MYH10: variants seen among roughly 807,000 people sequenced by gnomAD.
MYH10 encodes myosin heavy chain 10, also known as myosin-10.
MYH10 carries 55 observed loss-of-function variants against 257.8 expected under a neutral mutation model. The observed-to-expected ratio is 0.21, with a 90% confidence interval of 0.17 to 0.27. The LOEUF (loss-of-function observed/expected upper bound fraction) is 0.27, where lower values mean the gene tolerates loss of function less well. Ranked by LOEUF, MYH10 falls within the 10% of genes least tolerant of loss-of-function variation. The pLI, the probability that MYH10 is intolerant of heterozygous loss-of-function variation, is 1.00. For missense variants in MYH10, 1,631 were observed against 2,500.6 expected (o/e 0.65, Z 7.42); for synonymous variants, 854 against 921.7 (o/e 0.93, Z 1.33).
intron 1 of MYH10, among the ~76,000 whole-genome samples, chr17:8,624,288 T>C (rs934792869): frequency 6.6e-6 from 1 of 152,236 alleles, no homozygotes; most frequent in African/African-American, 2.4e-5. Context: ...ACTGGCTTTC[T>C]GGACCAAATG....
intron 6 of MYH10, among the ~76,000 whole-genome samples, chr17:8,576,290 ATGTAG>A (rs951242519): frequency 2.5e-4 from 38 of 152,338 alleles, no homozygotes; most frequent in Admixed American, 1.9e-3. Flanking sequence ...CAAATTCAAA[ATGTAG>A]TGTAGGGCAC....
intron 3 of MYH10, among the ~76,000 whole-genome samples, chr17:8,597,837 C>T (rs1182946409): frequency 6.6e-6 from 1 of 151,526 alleles, no homozygotes; most frequent in East Asian, 1.9e-4. Flanking sequence ...CCAGGCTGGT[C>T]TCGAACTCCT....
At chr17:8,496,746 G>A (rs1019501208) in intron 30 of MYH10, among the ~76,000 whole-genome samples, 6 of 152,192 alleles carry the variant, frequency 3.9e-5, no homozygotes, top group African/African-American at 9.7e-5. Context: ...ACCCTCCTTC[G>A]AAAGGCCTGC....
chr17:8,515,533 C>CTTTTTT (rs562174128), intron 21 of MYH10, among the ~76,000 whole-genome samples: 9 of 86,896 alleles, frequency 1.0e-4, no homozygotes, highest in Non-Finnish European at 1.0e-4. Context: ...TTAGCCAAGT[C>CTTTTTT]TTTTTTTTTT....
At position 8,521,047 on chromosome 17, in the gene MYH10, C is replaced by T. The variant is rs754626338; in HGVS notation, c.2151+45G>A. Reference sequence around the variant, plus strand: ...CATGGTTTAATCTTTAGCATCTGACCTAGATCAGTTTTAAATACTAGCATA... The same window carrying T: ...CATGGTTTAATCTTTAGCATCTGACTTAGATCAGTTTTAAATACTAGCATA... On this transcript the variant is annotated intron_variant, in intron 18 of 42. Transcript: ENST00000360416. 8 of 1,612,318 alleles carry T rather than the reference C, an allele frequency of 5.0e-6. No homozygotes were observed. The African/African-American group carries it at 1.1e-4, about 22-fold the overall frequency.
chr17:8,562,374 A>G (rs111987986), intron 7 of MYH10, among the ~76,000 whole-genome samples: 2 of 152,368 alleles, frequency 1.3e-5, no homozygotes, highest in African/African-American at 4.8e-5. Context: ...AGGGGAGAGA[A>G]TATCTGTTAA....
Position 8,553,963 on chromosome 17 carries a change from A to G in MYH10, c.812T>C (p.Ile271Thr), listed in dbSNP as rs371439781. The G allele has an allele frequency of 1.2e-6, 2 of 1,612,768 alleles. No homozygotes were observed. Among genetic ancestry groups the G allele is most frequent in the Non-Finnish European group, 1.7e-6 (2 of 1,178,984 alleles). Residue 271 changes from isoleucine (I) to threonine (T), a missense_variant, in exon 8 of 43, where the codon ATT (isoleucine) becomes ACT (threonine). Physicochemically the swap from Ile to Thr is moderately conservative, Grantham distance 89. Around this residue, in one of 11 missense-constraint regions of MYH10, gnomAD observed 360 missense variants for 581.9 expected, o/e 0.62. Transcript: ENST00000360416. ...DVTGYIVGAN[I>T]ETYLLEKSRA... Reference sequence around the variant, plus strand: ...TTTATGAAAAAGGATACATGTTTCAATGTTGGCCCCAACGATATAGCCAGT... The same window carrying G: ...TTTATGAAAAAGGATACATGTTTCAGTGTTGGCCCCAACGATATAGCCAGT...
At position 8,477,235 on chromosome 17, in the gene MYH10, T is replaced by C. The variant is rs2151761199; in HGVS notation, c.5707-187A>G. 6.6e-6 allele frequency among the ~76,000 whole-genome samples: 1 copy of C among 152,208 alleles called. No individual in the cohort carries two copies. On this transcript the variant is annotated intron_variant, in intron 41 of 42. Transcript: ENST00000360416. This position sits in a 1 kb window ranked among gnomAD's most constrained non-coding sequence, Gnocchi z 4.2. The stretch of plus-strand genomic sequence containing the variant: ...ACCGGCCTGCCGCTCTCAGCAAAGC[T>C]AGCATCTACAAAGCACACTAGGCCA...
At chr17:8,489,324 T>C (rs1915371848) in intron 35 of MYH10, among the ~76,000 whole-genome samples, 1 of 152,196 alleles carries the variant, frequency 6.6e-6, no homozygotes, top group Non-Finnish European at 1.5e-5. Context: ...TTGCAATAAT[T>C]TGTTAAGTTT....
intron 4 of MYH10, among the ~76,000 whole-genome samples, chr17:8,584,216 A>G (rs2083813614): frequency 6.6e-6 from 1 of 152,220 alleles, no homozygotes; most frequent in Admixed American, 6.5e-5. Context: ...GAGTTTGCAG[A>G]AACAAAAGGT....
intron 2 of MYH10, among the ~76,000 whole-genome samples, chr17:8,610,949 G>A (rs2085015540): frequency 6.6e-6 from 1 of 152,218 alleles, no homozygotes; most frequent in Non-Finnish European, 1.5e-5. Context: ...GAGACAAAAG[G>A]AAAATAAGAA....
intron 12 of MYH10, among the ~76,000 whole-genome samples, chr17:8,546,064 T>A (rs577534578): frequency 5.4e-4 from 81 of 149,000 alleles, no homozygotes; most frequent in African/African-American, 1.5e-3. Context: ...TTAAAAAAAT[T>A]TTTTTTTTTT....
At chr17:8,582,015 T>G (rs1468512417) in intron 4 of MYH10, among the ~76,000 whole-genome samples, 1 of 152,222 alleles carries the variant, frequency 6.6e-6, no homozygotes, top group Non-Finnish European at 1.5e-5. Context: ...GGCCTAGCAC[T>G]GTCCTCGCCA....
rs1364988748 is a variant in MYH10 at position 8,477,127 on chromosome 17, T to C, written c.5707-79A>G. ...CCTCTCTGTACCCCGAGCGTGGCAG[T>C]GTGGGGCTCTGCCTGTTACCCTTGT... On this transcript the variant is annotated intron_variant, in intron 41 of 42. Coordinates refer to ENST00000360416, the MANE Select transcript of MYH10 (RefSeq NM_001256012.3). The surrounding 1 kb of genome is among the most constrained non-coding windows in gnomAD (Gnocchi z 4.2). 1 of 1,508,554 alleles carries C rather than the reference T, an allele frequency of 6.6e-7. No homozygotes were observed. Among genetic ancestry groups the C allele is most frequent in the Admixed American group, 1.7e-5 (1 of 58,344 alleles). The allele number at this position is 1,508,554 out of a possible 1,614,324, so 93.4% of individuals were successfully genotyped here. A position where few individuals can be genotyped will look rare whatever the true frequency, so the allele number is the denominator to read the frequency against.
chr17:8,496,768 A>G (rs1916703365), intron 30 of MYH10, among the ~76,000 whole-genome samples: 1 of 152,166 alleles, frequency 6.6e-6, no homozygotes, highest in Non-Finnish European at 1.5e-5. Context: ...TGCGATGTTG[A>G]CCTTTGGCTG....
intron 3 of MYH10, among the ~76,000 whole-genome samples, chr17:8,597,864 C>T (rs545001214): frequency 5.9e-5 from 9 of 152,144 alleles, no homozygotes; most frequent in South Asian, 2.1e-4. Context: ...ATGATCCACC[C>T]GCCCCAGCCT....
intron 2 of MYH10, among the ~76,000 whole-genome samples, chr17:8,609,266 T>C (rs1185719980): frequency 6.6e-6 from 1 of 152,180 alleles, no homozygotes; most frequent in African/African-American, 2.4e-5. Flanking sequence ...AATAGTCTCC[T>C]ACTACGAACA....
chr17:8,487,323 G>A (rs980582166), intron 36 of MYH10, 110 bp downstream of exon 36: 10 of 1,334,648 alleles, frequency 7.5e-6, no homozygotes, highest in African/African-American at 4.3e-5. Context: ...CCCCACCCCC[G>A]GCCACGCTGA....
At chr17:8,500,355 G>C in intron 29 of MYH10, among the ~76,000 whole-genome samples, 1 of 152,232 alleles carries the variant, frequency 6.6e-6, no homozygotes, top group Admixed American at 6.5e-5. Context: ...ATACAGAAGC[G>C]GGAACAATGA....
Sources: gnomAD v4.1 joint callset for allele counts (sites outside exome capture counted in the v4.1 genomes callset) on GRCh38, gnomAD v4.1.1 for gene constraint, gnomAD v4.1.1 regional missense constraint, Gnocchi (gnomAD v3.1) non-coding constraint, MANE v1.5 for transcripts, NCBI Gene and HGNC (gene_info 2026-07-23, HGNC 2026-07-21) for gene names.